The following DARS1 variants were observed in gnomAD, a reference collection of about 807,000 sequenced individuals.
The protein encoded by DARS1 is aspartate--tRNA ligase, cytoplasmic.
DARS1 carries 51 observed loss-of-function variants against 68.8 expected under a neutral mutation model. The observed-to-expected ratio is 0.74, with a 90% confidence interval of 0.59 to 0.94. The LOEUF (loss-of-function observed/expected upper bound fraction) is 0.94. Ranked by LOEUF, DARS1 falls within the 40% of genes least tolerant of loss-of-function variation. The probability of loss-of-function intolerance (pLI) is 0.00; values close to 1 mark genes in which losing one functional copy is unlikely to be tolerated. For synonymous variants in DARS1, 203 were observed against 190.4 expected, an observed-to-expected ratio of 1.07 and a Z score of -0.55; for missense variants, 607 against 597.3, an observed-to-expected ratio of 1.02 and a Z score of -0.17.
At chr2:135,943,628 G>A in intron 4 of DARS1, 148 bp from the exon 5 acceptor site, 1 of 1,265,484 alleles carries the variant, frequency 7.9e-7, no homozygotes. Context: ...AACCTACTTA[G>A]AATAAGCTAT....
At chr2:135,908,397 T>C (rs1433962595) in intron 15 of DARS1, among the ~76,000 whole-genome samples, 3 of 152,144 alleles carry the variant, frequency 2.0e-5, no homozygotes, top group Non-Finnish European at 4.4e-5. Flanking sequence ...TTCATCTCTA[T>C]AACTCTTAAA....
intron 9 of DARS1, among the ~76,000 whole-genome samples, chr2:135,922,071 CAT>C (rs1000775259): frequency 1.1e-4 from 17 of 152,138 alleles, no homozygotes; most frequent in Non-Finnish European, 1.5e-5. Flanking sequence ...GAATTTGCCA[CAT>C]GATTATGTGC....
intron 15 of DARS1, among the ~76,000 whole-genome samples, chr2:135,909,283 T>TA (rs1162264639): frequency 3.3e-5 from 5 of 152,020 alleles, no homozygotes; most frequent in African/African-American, 7.2e-5. Flanking sequence ...TCCCAGAACT[T>TA]AAAAAAACAA....
intron 3 of DARS1, among the ~76,000 whole-genome samples, chr2:135,968,692 C>T (rs897898213): frequency 2.9e-4 from 41 of 143,472 alleles, no homozygotes; most frequent in Non-Finnish European, 5.3e-4. Flanking sequence ...GACAGAGTCT[C>T]ACTCTGTCAC....
chr2:135,920,331 G>A, intron 10 of DARS1, 122 bp downstream of exon 10: 4 of 1,391,220 alleles, frequency 2.9e-6, no homozygotes, highest in South Asian at 1.6e-5. Flanking sequence ...CATCTAACTG[G>A]TAAATCTTTA....
rs567279264 is a variant in DARS1 at position 135,983,602 on chromosome 2, A to C, written c.67-148T>G. ...GAAAGTCAGTAGTTTCATAATGTGG[A>C]AATCTCTCATTCATTTACATATGTA... On this transcript the variant is annotated intron_variant, in intron 1 of 15. Transcript: ENST00000264161. The C allele has an allele frequency of 2.4e-5, 13 of 543,358 alleles. 1 individual carries two copies. The South Asian group carries it at 3.4e-4, about 14-fold the overall frequency. The allele number at this position is 543,358 out of a possible 1,614,324, so 33.7% of individuals were successfully genotyped here.
At chr2:135,923,041 T>C in intron 8 of DARS1, 123 bp from the exon 9 acceptor site, 1 of 1,159,012 alleles carries the variant, frequency 8.6e-7, no homozygotes, top group Middle Eastern at 3.2e-4. Flanking sequence ...AATGAAGAAT[T>C]GTGGCTAAAT....
intron 12 of DARS1, among the ~76,000 whole-genome samples, chr2:135,913,749 A>G (rs1680945096): frequency 6.6e-6 from 1 of 151,414 alleles, no homozygotes; most frequent in Admixed American, 6.6e-5. Flanking sequence ...CAAGAGCGAA[A>G]CTCCGTCTCA....
chr2:135,923,732 A>G (rs1175599835), intron 8 of DARS1, among the ~76,000 whole-genome samples: 1 of 152,242 alleles, frequency 6.6e-6, no homozygotes, highest in African/African-American at 2.4e-5. Flanking sequence ...CAAGAATAAG[A>G]ATTAGCCAGG....
In DARS1 at chr2:135,908,897, T is replaced by C. The variant is rs998981601; in HGVS notation, c.1415-1490A>G. ...TGGGATCAACCCAAATGCCCATCAA[T>C]GATAGACTGGATAAAGTAAACGTAG... On this transcript the variant is annotated intron_variant, in intron 15 of 15. Transcript: ENST00000264161. Among the ~76,000 whole-genome samples, 6 of 152,302 alleles carry C rather than the reference T, an allele frequency of 3.9e-5. No homozygotes were observed. In the South Asian group the frequency reaches 1.2e-3, roughly 32 times the overall value.
rs79507949 is a variant in DARS1 at position 135,944,755 on chromosome 2, G to A, written c.321-1275C>T. ...TTCTGAGGCTTGAAGGGATCAAGAG[G>A]CTCCAGTGGACTGTTACAAAGTTTT... On this transcript the variant is annotated intron_variant, in intron 4 of 15. Transcript: ENST00000264161. Among the ~76,000 whole-genome samples the A allele has an allele frequency of 7.6e-3, 1,161 of 152,206 alleles. 98 individuals are homozygous for A. In the East Asian group the frequency reaches 0.19, roughly 26 times the overall value.
intron 8 of DARS1, 137 bp from the exon 9 acceptor site, chr2:135,923,055 A>G: frequency 9.8e-7 from 1 of 1,021,528 alleles, no homozygotes; most frequent in Non-Finnish European, 1.3e-6. Context: ...GCTAAATCAC[A>G]GTCTATATAC....
rs190371540 is a variant in DARS1, at chr2:135,934,095, A to G, written c.424-105T>C. The G allele has an allele frequency of 1.5e-3, 2,242 of 1,452,606 alleles. 20 individuals are homozygous for G. Among genetic ancestry groups the G allele is most frequent in the Admixed American group, 9.9e-4 (40 of 40,342 alleles). 90.0% of individuals were successfully genotyped at this position (1,452,606 alleles called of 1,614,324 possible). A position where few individuals can be genotyped will look rare whatever the true frequency, so the allele number is the denominator to read the frequency against. ...CTTAAGCATGAAGCAATGTTTGCAT[A>G]CATCTTTAATTGAAACTACTTGCTG... On this transcript the variant is annotated intron_variant, in intron 5 of 15. Transcript: ENST00000264161.
chr2:135,923,830 C>G (rs974161711), intron 8 of DARS1, among the ~76,000 whole-genome samples: 1 of 152,072 alleles, frequency 6.6e-6, no homozygotes, highest in Non-Finnish European at 1.5e-5. Context: ...CCAGCCTGAC[C>G]AACATGGAGA....
chr2:135,970,790 G>A (rs1415666572), intron 3 of DARS1, among the ~76,000 whole-genome samples: 1 of 151,996 alleles, frequency 6.6e-6, no homozygotes, highest in Admixed American at 6.6e-5. Context: ...TGATACCATA[G>A]AAATTCAAAA....
At chr2:135,949,257 C>A (rs1487776590) in intron 4 of DARS1, among the ~76,000 whole-genome samples, 2 of 152,010 alleles carry the variant, frequency 1.3e-5, no homozygotes, top group Non-Finnish European at 2.9e-5. Context: ...ATAGTGGGCA[C>A]TGTAACTTTA....
At chr2:135,954,347 AG>A in intron 4 of DARS1, among the ~76,000 whole-genome samples, 1 of 141,780 alleles carries the variant, frequency 7.1e-6, no homozygotes, top group African/African-American at 2.6e-5. Flanking sequence ...AAAAAAAAAG[AG>A]AGAGAGAACA....
At chr2:135,923,599 T>C (rs1345045132) in intron 8 of DARS1, among the ~76,000 whole-genome samples, 2 of 152,092 alleles carry the variant, frequency 1.3e-5, no homozygotes, top group African/African-American at 4.8e-5. Flanking sequence ...GGAATAATCA[T>C]TTTTCTAATT....
chr2:135,915,648 A>G (rs1005613979), intron 11 of DARS1, among the ~76,000 whole-genome samples: 3 of 152,112 alleles, frequency 2.0e-5, no homozygotes, highest in African/African-American at 4.8e-5. Context: ...CTAAATTTAG[A>G]TAATACTATA....
Sources: allele counts gnomAD v4.1 joint callset (sites outside exome capture counted in the v4.1 genomes callset), GRCh38; gene constraint gnomAD v4.1.1; transcripts MANE v1.5; gene names NCBI Gene and HGNC (gene_info 2026-07-23, HGNC 2026-07-21).